BTLA: variants seen among roughly 807,000 people sequenced by gnomAD.
BTLA encodes B and T lymphocyte associated, also known as B- and T-lymphocyte attenuator.
Under a neutral mutation model 25.0 loss-of-function variants are expected in BTLA, and 11 were observed. The ratio of observed to expected loss-of-function variants is 0.44; its 90% CI spans 0.28 to 0.73. The LOEUF is 0.73. BTLA is among the 30% of genes least tolerant of loss of function. The pLI, the probability that BTLA is intolerant of heterozygous loss-of-function variation, is 0.15. For synonymous variants in BTLA, 104 were observed against 119.8 expected (o/e 0.87, Z 0.86); for missense variants, 282 against 332.8 (o/e 0.85, Z 1.19).
chr3:112,467,897 G>C (rs944393455), intron 4 of BTLA, among the ~76,000 whole-genome samples: 1 of 152,224 alleles, frequency 6.6e-6, no homozygotes, highest in African/African-American at 2.4e-5. Context: ...TTTTCAATCT[G>C]TTTAAGCCTG....
At chr3:112,499,512 A>G, upstream of BTLA, 1 of 572,368 alleles carries the variant, frequency 1.7e-6, no homozygotes, top group Non-Finnish European at 3.0e-6. Flanking sequence ...GTAAGAGAGG[A>G]GAGTAGGAAG....
chr3:112,484,658 T>G (rs1242390041), intron 1 of BTLA, among the ~76,000 whole-genome samples: 1 of 152,244 alleles, frequency 6.6e-6, no homozygotes, highest in African/African-American at 2.4e-5. Flanking sequence ...GTGGCACAAT[T>G]AGACATCACT....
chr3:112,476,641 AG>A (rs1455567614), intron 2 of BTLA, among the ~76,000 whole-genome samples: 1 of 152,232 alleles, frequency 6.6e-6, no homozygotes, highest in Non-Finnish European at 1.5e-5. Flanking sequence ...TTATAATTAA[AG>A]GGCACTCTTC....
intron 1 of BTLA, among the ~76,000 whole-genome samples, chr3:112,486,956 A>C (rs1374199686): frequency 6.6e-6 from 1 of 152,206 alleles, no homozygotes; most frequent in Non-Finnish European, 1.5e-5. Context: ...GAAAGGCTGG[A>C]GTATGTAGTA....
chr3:112,495,848 G>T (rs1210230654), intron 1 of BTLA, among the ~76,000 whole-genome samples: 1 of 152,148 alleles, frequency 6.6e-6, no homozygotes, highest in Admixed American at 6.5e-5. Flanking sequence ...GTGGAACACG[G>T]TGTTTAAAAG....
At chr3:112,477,624 T>A (rs1002535123) in intron 2 of BTLA, among the ~76,000 whole-genome samples, 1 of 152,076 alleles carries the variant, frequency 6.6e-6, no homozygotes, top group Non-Finnish European at 1.5e-5. Flanking sequence ...ATTTTTGGTG[T>A]TATTGTTGAT....
Position 112,465,662 on chromosome 3 carries a change from C to A in BTLA, c.*446G>T, listed in dbSNP as rs2107303316. ...AAAATTTCTTATTTTGGAAGACTGA[C>A]TTGAAATATACAATCATTACTGTAT... is the stretch of plus-strand genomic sequence containing the variant. On this transcript the variant is annotated 3_prime_UTR_variant, in exon 5 of 5. Transcript: ENST00000334529. 1 of 153,286 alleles carries A rather than the reference C, an allele frequency of 6.5e-6. No homozygotes were observed. Among genetic ancestry groups the A allele is most frequent in the African/African-American group, 2.4e-5 (1 of 41,600 alleles). The allele number at this position is 153,286 out of a possible 1,614,324, so 9.5% of individuals were successfully genotyped here.
chr3:112,464,443 T>C lies in BTLA; in HGVS notation c.*1665A>G, dbSNP rs2082214069. The C allele has an allele frequency of 3.3e-6, 1 of 305,344 alleles. No homozygotes were observed. The highest frequency in any genetic ancestry group is 6.0e-6 in the Non-Finnish European group (1 of 166,536). The allele number at this position is 305,344 out of a possible 1,614,324, so 18.9% of individuals were successfully genotyped here. ...AGCAGCTATTCTAACATGTCTTTCT[T>C]ACATAAGTTGTCCACAAATGCAGCC... On this transcript the variant is annotated 3_prime_UTR_variant, in exon 5 of 5. Transcript: ENST00000334529.
rs976256039 is a variant in BTLA, at chr3:112,487,526, G to A, written c.89-7757C>T. On this transcript the variant is annotated intron_variant, in intron 1 of 4. Transcript: ENST00000334529. ...CTTGAACCCAGGAGGCGGAGGTTGCGGTGAGCTGAGATCGTGCCATTGCAC... is the reference window on the plus strand; with the variant it reads ...CTTGAACCCAGGAGGCGGAGGTTGCAGTGAGCTGAGATCGTGCCATTGCAC... Among the ~76,000 whole-genome samples, 4 of 151,902 alleles carry A rather than the reference G, an allele frequency of 2.6e-5. No homozygotes were observed. The East Asian group carries it at 5.8e-4, about 22-fold the overall frequency.
At chr3:112,496,077 G>A (rs1177798605) in intron 1 of BTLA, among the ~76,000 whole-genome samples, 2 of 152,094 alleles carry the variant, frequency 1.3e-5, no homozygotes, top group Non-Finnish European at 2.9e-5. Context: ...ATCATATATG[G>A]TGTTGGTGAT....
chr3:112,498,303 A>T (rs1280101682), intron 1 of BTLA, among the ~76,000 whole-genome samples: 1 of 152,106 alleles, frequency 6.6e-6, no homozygotes, highest in Non-Finnish European at 1.5e-5. Context: ...GCTACTAGGG[A>T]CGCTGAGGCA....
chr3:112,499,188 C>G, intron 1 of BTLA, 83 bp downstream of exon 1: 1 of 969,304 alleles, frequency 1.0e-6, no homozygotes, highest in Non-Finnish European at 1.6e-6. Context: ...AACGTTACAC[C>G]GTACTAAGTT....
At chr3:112,485,507 C>G (rs1157369218) in intron 1 of BTLA, among the ~76,000 whole-genome samples, 1 of 152,206 alleles carries the variant, frequency 6.6e-6, no homozygotes, top group Admixed American at 6.5e-5. Context: ...GAATAACTAT[C>G]ACAGTTGCTT....
rs368488443 is a variant in BTLA at position 112,482,613 on chromosome 3, T to C, written c.89-2844A>G. On this transcript the variant is annotated intron_variant, in intron 1 of 4. Coordinates refer to ENST00000334529, the MANE Select transcript of BTLA (RefSeq NM_181780.4). Reference sequence around the variant, plus strand: ...CAGAATAATAGAAACCTGATTGAGTTTCCAGGAATCAGAGTGAGAAAAAGG... The same window carrying C: ...CAGAATAATAGAAACCTGATTGAGTCTCCAGGAATCAGAGTGAGAAAAAGG... Among the ~76,000 whole-genome samples the C allele has an allele frequency of 5.3e-5, 8 of 152,310 alleles. No individual in the cohort carries two copies. In the East Asian group the frequency reaches 1.5e-3, roughly 29 times the overall value.
intron 2 of BTLA, among the ~76,000 whole-genome samples, chr3:112,478,810 T>C (rs922752933): frequency 6.6e-6 from 1 of 152,154 alleles, no homozygotes; most frequent in African/African-American, 2.4e-5. Context: ...CCTATGTATT[T>C]TTTCATGTTT....
chr3:112,484,027 C>T (rs550575151), intron 1 of BTLA, among the ~76,000 whole-genome samples: 37 of 151,652 alleles, frequency 2.4e-4, no homozygotes, highest in African/African-American at 8.2e-4. Context: ...TAACTTCAGC[C>T]GGGGCAAAGC....
chr3:112,467,683 C>G (rs761772177), intron 4 of BTLA, among the ~76,000 whole-genome samples: 10 of 152,264 alleles, frequency 6.6e-5, no homozygotes, highest in Non-Finnish European at 1.2e-4. Flanking sequence ...ACAGTGCCAC[C>G]CTCTGATGTG....
At chr3:112,483,967 C>T (rs1427137238) in intron 1 of BTLA, among the ~76,000 whole-genome samples, 1 of 128,930 alleles carries the variant, frequency 7.8e-6, no homozygotes, top group African/African-American at 2.7e-5. Flanking sequence ...GACTCTGTCT[C>T]AAAAAAAAAA....
rs1230787850 is a variant in BTLA, at chr3:112,464,960, G to A, written c.*1148C>T. The A allele has an allele frequency of 6.6e-6, 1 of 152,152 alleles. No homozygotes were observed. The allele number at this position is 152,152 out of a possible 1,614,324, so 9.4% of individuals were successfully genotyped here. ...CTGAGAATTCGAATAGCCTCAAACT[G>A]TTGAATAAAATTATAGGCTATTTTT... On this transcript the variant is annotated 3_prime_UTR_variant, in exon 5 of 5. Coordinates refer to ENST00000334529, the MANE Select transcript of BTLA (RefSeq NM_181780.4).
Sources: allele counts gnomAD v4.1 joint callset (sites outside exome capture counted in the v4.1 genomes callset), GRCh38; gene constraint gnomAD v4.1.1; transcripts MANE v1.5; gene names NCBI Gene and HGNC (gene_info 2026-07-23, HGNC 2026-07-21).